BABAM2: variants seen among roughly 807,000 people sequenced by gnomAD.
The protein encoded by BABAM2 is BRISC and BRCA1 A complex member 2.
BABAM2 carries 31 observed loss-of-function variants against 54.7 expected under a neutral mutation model. The observed-to-expected ratio is 0.57, with a 90% CI of 0.43 to 0.77. BABAM2 has a LOEUF of 0.77. Among genes scored for constraint, BABAM2 ranks in the 30% least tolerant of loss-of-function variants. The probability of loss-of-function intolerance (pLI) is 0.00; values close to 1 mark genes in which losing one functional copy is unlikely to be tolerated. For synonymous variants in BABAM2, 167 were observed against 162.9 expected, an observed-to-expected ratio of 1.03 and a Z score of -0.19; for missense variants, 364 against 455.8, an observed-to-expected ratio of 0.80 and a Z score of 1.83.
Position 27,969,078 on chromosome 2 carries a change from G to A in BABAM2, c.206-18915G>A, listed in dbSNP as rs368811603. Among the ~76,000 whole-genome samples the A allele has an allele frequency of 1.2e-4, 18 of 152,054 alleles. 1 individual carries two copies. Among genetic ancestry groups the A allele is most frequent in the African/African-American group, 4.3e-4 (18 of 41,470 alleles). ...GGTAGATCTTTCCCATGCTGTTCTC[G>A]TGATAGTGAGTAAGTCTCATGAGAT... On this transcript the variant is annotated intron_variant, in intron 3 of 11. Transcript: ENST00000379624.
intron 2 of BABAM2, among the ~76,000 whole-genome samples, chr2:27,918,495 A>G (rs559631351): frequency 6.6e-6 from 1 of 152,058 alleles, no homozygotes; most frequent in African/African-American, 2.4e-5. Context: ...TATATATATA[A>G]TGTATAGTAC....
intron 10 of BABAM2, among the ~76,000 whole-genome samples, chr2:28,259,139 G>T (rs920404836): frequency 2.4e-5 from 3 of 123,828 alleles, no homozygotes; most frequent in African/African-American, 6.3e-5. Context: ...CCAGGCTGGA[G>T]TGTAGTGGTG....
chr2:28,286,113 G>A lies in BABAM2; in HGVS notation c.935-12225G>A, dbSNP rs560693651. On this transcript the variant is annotated intron_variant, in intron 10 of 11. Coordinates refer to ENST00000379624, the MANE Select transcript of BABAM2 (RefSeq NM_199191.3). ...TGGGATTACAGGCAGGCACCACCAC[G>A]CCCAGCTAATTTTTGTATTTTTATT... 8.8e-4 allele frequency among the ~76,000 whole-genome samples: 133 copies of A among 151,818 alleles called. 1 individual carries two copies. Among genetic ancestry groups the A allele is most frequent in the African/African-American group, 3.0e-3 (125 of 41,366 alleles).
At chr2:28,138,770 T>C (rs1318688979) in intron 7 of BABAM2, among the ~76,000 whole-genome samples, 7 of 152,192 alleles carry the variant, frequency 4.6e-5, no homozygotes, top group African/African-American at 1.7e-4. Context: ...TTGCTATTGC[T>C]TCCCATATCT....
intron 7 of BABAM2, among the ~76,000 whole-genome samples, chr2:28,170,625 G>C (rs1674217857): frequency 6.6e-6 from 1 of 151,994 alleles, no homozygotes; most frequent in African/African-American, 2.4e-5. Flanking sequence ...ATGTTTGATT[G>C]ATAGTATCAC....
chr2:28,338,301 T>C (rs978339521), intron 11 of BABAM2, 149 bp from the exon 12 acceptor site: 3 of 728,364 alleles, frequency 4.1e-6, no homozygotes, highest in Non-Finnish European at 7.3e-6. Context: ...TCCGGAGGGC[T>C]TTGCCTCAGC....
At chr2:28,031,472 AC>A (rs991740798) in intron 5 of BABAM2, among the ~76,000 whole-genome samples, 11 of 152,152 alleles carry the variant, frequency 7.2e-5, no homozygotes, top group Non-Finnish European at 1.5e-4. Flanking sequence ...GGAATGCTGC[AC>A]CAAACTAACA....
chr2:28,084,307 G>T (rs964991563), intron 6 of BABAM2, among the ~76,000 whole-genome samples: 5 of 152,182 alleles, frequency 3.3e-5, no homozygotes, highest in African/African-American at 1.2e-4. Context: ...GAAGGGAGAG[G>T]TGTCGTTTGG....
chr2:28,030,348 T>C (rs1027370504), intron 5 of BABAM2, among the ~76,000 whole-genome samples: 2 of 152,188 alleles, frequency 1.3e-5, no homozygotes, highest in Non-Finnish European at 2.9e-5. Context: ...TTTATTTTGA[T>C]TTGATGTTAA....
chr2:28,306,290 T>C (rs2148264305), intron 11 of BABAM2, among the ~76,000 whole-genome samples: 1 of 152,334 alleles, frequency 6.6e-6, no homozygotes, highest in South Asian at 2.1e-4. Flanking sequence ...TGTTTTTTTA[T>C]GTCTATTGTA....
At chr2:28,067,651 G>C (rs1663729730) in intron 6 of BABAM2, among the ~76,000 whole-genome samples, 1 of 152,198 alleles carries the variant, frequency 6.6e-6, no homozygotes, top group Non-Finnish European at 1.5e-5. Flanking sequence ...ACACATTAAA[G>C]AGTCATGTCA....
intron 4 of BABAM2, among the ~76,000 whole-genome samples, chr2:28,009,489 G>A (rs1246090162): frequency 3.3e-5 from 5 of 152,100 alleles, no homozygotes; most frequent in African/African-American, 9.7e-5. Flanking sequence ...GATGGCAGTC[G>A]AAATTGGTAG....
At position 28,250,182 on chromosome 2, in the gene BABAM2, G is replaced by T. The variant is rs150338332; in HGVS notation, c.934+5320G>T. On this transcript the variant is annotated intron_variant, in intron 10 of 11. Coordinates refer to ENST00000379624, the MANE Select transcript of BABAM2 (RefSeq NM_199191.3). ...ACATTTCCGCTGAGACCTTAGCAGT[G>T]ATTCAGACAGCCAAGGAAGGCAATT... Among the ~76,000 whole-genome samples the T allele has an allele frequency of 6.0e-4, 92 of 152,184 alleles. No individual in the cohort carries two copies. In the East Asian group the frequency reaches 0.015, roughly 26 times the overall value.
At chr2:27,894,731 C>A (rs750114226) in intron 2 of BABAM2, 47 bp downstream of exon 2, 7 of 1,607,098 alleles carry the variant, frequency 4.4e-6, no homozygotes, top group Non-Finnish European at 5.1e-6. Flanking sequence ...CCAATTCAAC[C>A]TTTACCTAAT....
intron 6 of BABAM2, among the ~76,000 whole-genome samples, chr2:28,115,221 AC>A (rs1416736967): frequency 1.4e-5 from 2 of 147,722 alleles, no homozygotes; most frequent in Admixed American, 1.4e-4. Flanking sequence ...ACACACACAC[AC>A]ACAAACCAAT....
chr2:28,093,806 G>C (rs546086347), intron 6 of BABAM2, among the ~76,000 whole-genome samples: 1 of 152,114 alleles, frequency 6.6e-6, no homozygotes, highest in South Asian at 2.1e-4. Context: ...CAGTTAGTGA[G>C]GGAAACAGAT....
At chr2:27,940,970 A>T (rs1248646922) in intron 3 of BABAM2, among the ~76,000 whole-genome samples, 1 of 152,168 alleles carries the variant, frequency 6.6e-6, no homozygotes, top group Non-Finnish European at 1.5e-5. Flanking sequence ...CATTGGGTAG[A>T]AATGACTTCC....
chr2:28,183,739 T>TCTCACACACACACACATACA (rs1553336494), intron 7 of BABAM2, among the ~76,000 whole-genome samples: 7 of 133,124 alleles, frequency 5.3e-5, no homozygotes, highest in Admixed American at 1.5e-4. Flanking sequence ...TGGATGAAGA[T>TCTCACACACACACACATACA]CACACACACA....
intron 10 of BABAM2, among the ~76,000 whole-genome samples, chr2:28,260,757 G>A (rs1218554360): frequency 6.6e-6 from 1 of 152,048 alleles, no homozygotes; most frequent in African/African-American, 2.4e-5. Flanking sequence ...TGCCATCTTG[G>A]AAATAATTGC....
Sources: gnomAD v4.1 joint callset for allele counts (sites outside exome capture counted in the v4.1 genomes callset) on GRCh38, gnomAD v4.1.1 for gene constraint, MANE v1.5 for transcripts, NCBI Gene and HGNC (gene_info 2026-07-23, HGNC 2026-07-21) for gene names.